NFIC: variants seen among roughly 807,000 people sequenced by gnomAD.
NFIC encodes nuclear factor I C, also known as nuclear factor 1 C-type.
Under a neutral mutation model 54.4 loss-of-function variants are expected in NFIC, and 12 were observed. The observed-to-expected ratio is 0.22, with a 90% CI of 0.14 to 0.36. The LOEUF (loss-of-function observed/expected upper bound fraction) is 0.36, where lower values mean the gene tolerates loss of function less well. NFIC is among the 10% of genes least tolerant of loss of function. NFIC has a pLI of 1.00. For synonymous variants in NFIC, 322 were observed against 319.2 expected, an observed-to-expected ratio of 1.01 and a Z score of -0.09; for missense variants, 575 against 718.2, an observed-to-expected ratio of 0.80 and a Z score of 2.28.
At chr19:3,398,884 G>A (rs555360712) in intron 2 of NFIC, among the ~76,000 whole-genome samples, 12 of 152,344 alleles carry the variant, frequency 7.9e-5, no homozygotes, top group East Asian at 3.9e-4. Flanking sequence ...GCACTGGTGC[G>A]AATTCATAGG....
intron 6 of NFIC, among the ~76,000 whole-genome samples, chr19:3,443,505 CA>C (rs2082324699): frequency 6.6e-6 from 1 of 152,104 alleles, no homozygotes; most frequent in Admixed American, 6.5e-5. Flanking sequence ...GTGTGTAAAC[CA>C]GGGGGACCCC....
At chr19:3,437,304 C>T (rs2082218809) in intron 6 of NFIC, among the ~76,000 whole-genome samples, 1 of 151,658 alleles carries the variant, frequency 6.6e-6, no homozygotes, top group Admixed American at 6.6e-5. Flanking sequence ...GGAGGCGGAG[C>T]TTGCAGTGAG....
chr19:3,463,246 C>T lies in NFIC; in HGVS notation c.*477C>T. ...CTGTGCCCAGGGCCGACAGGCGCGACACCCAGCAAGGCCACCTCTCCCCGG... is the reference window on the plus strand; with the variant it reads ...CTGTGCCCAGGGCCGACAGGCGCGATACCCAGCAAGGCCACCTCTCCCCGG... On this transcript the variant is annotated 3_prime_UTR_variant, in exon 11 of 11. Coordinates refer to ENST00000443272, the MANE Select transcript of NFIC (RefSeq NM_001245002.2). 1 of 992,338 alleles carries T rather than the reference C, an allele frequency of 1.0e-6. No homozygotes were observed. Among genetic ancestry groups the T allele is most frequent in the Non-Finnish European group, 1.2e-6 (1 of 834,992 alleles). The allele number at this position is 992,338 out of a possible 1,614,324, so 61.5% of individuals were successfully genotyped here. A position where few individuals can be genotyped will look rare whatever the true frequency, so the allele number is the denominator to read the frequency against.
rs1368124986 is a variant in NFIC at position 3,464,693 on chromosome 19, C to T, written c.*1924C>T. The stretch of plus-strand genomic sequence containing the variant: ...CCAGACTCTCCTCCCAAACTAGCCT[C>T]AGGAGCTTGGCGAACCCGCTCGCTC... On this transcript the variant is annotated 3_prime_UTR_variant, in exon 11 of 11. Transcript: ENST00000443272. 1 of 985,270 alleles carries T rather than the reference C, an allele frequency of 1.0e-6. No individual in the cohort carries two copies. The highest frequency in any genetic ancestry group is 1.2e-6 in the Non-Finnish European group (1 of 830,128). The allele number at this position is 985,270 out of a possible 1,614,324, so 61.0% of individuals were successfully genotyped here. A position where few individuals can be genotyped will look rare whatever the true frequency, so the allele number is the denominator to read the frequency against.
intron 2 of NFIC, among the ~76,000 whole-genome samples, chr19:3,417,098 GA>G (rs2081871532): frequency 6.7e-6 from 1 of 150,010 alleles, no homozygotes; most frequent in Non-Finnish European, 1.5e-5. Flanking sequence ...TGTTAGCCAG[GA>G]TGGTCTCGAT....
Position 3,463,512 on chromosome 19 carries a change from C to T in NFIC, c.*743C>T, listed in dbSNP as rs989372269. 2.1e-5 allele frequency: 21 copies of T among 984,498 alleles called. No homozygotes were observed. Among genetic ancestry groups the T allele is most frequent in the Non-Finnish European group, 2.5e-5 (21 of 829,650 alleles). 61.0% of individuals were successfully genotyped at this position (984,498 alleles called of 1,614,324 possible). A position where few individuals can be genotyped will look rare whatever the true frequency, so the allele number is the denominator to read the frequency against. On this transcript the variant is annotated 3_prime_UTR_variant, in exon 11 of 11. Transcript: ENST00000443272. ...GGGGCCCTGCCTGCCGCGGGGCCTC[C>T]CCACAAGCCCCTCCCAAAGCGCCGG...
chr19:3,362,392 G>A (rs1030033738), upstream of NFIC, among the ~76,000 whole-genome samples: 5 of 151,434 alleles, frequency 3.3e-5, no homozygotes, highest in Non-Finnish European at 7.4e-5. Context: ...TTGTGGCTGT[G>A]TGTGTGCCAT....
chr19:3,381,682 C>A (rs757255663), intron 1 of NFIC, 30 bp from the exon 2 acceptor site: 10 of 1,608,946 alleles, frequency 6.2e-6, no homozygotes, highest in Middle Eastern at 3.3e-4. Context: ...GTCCCTGGCG[C>A]TCCTGACCTC....
Position 3,375,871 on chromosome 19 carries a change from G to A in NFIC, c.31-5841G>A, listed in dbSNP as rs1156281563. Among the ~76,000 whole-genome samples, 3 of 152,142 alleles carry A rather than the reference G, an allele frequency of 2.0e-5. No homozygotes were observed. Among genetic ancestry groups the A allele is most frequent in the South Asian group, 4.1e-4 (2 of 4,834 alleles). On this transcript the variant is annotated intron_variant, in intron 1 of 10. Transcript: ENST00000443272. This position sits in a 1 kb window ranked among gnomAD's most constrained non-coding sequence, Gnocchi z 4.6. ...AATGGGACCGAGTCCAGCCACATCC[G>A]CTGGCACACACAGTGGGAGTCCAGG...
rs1387633539 is a variant in NFIC, at chr19:3,394,523, A to ACCC, written c.562+12284_562+12286dup. On this transcript the variant is annotated intron_variant, in intron 2 of 10. Transcript: ENST00000443272. Reference sequence around the variant, plus strand: ...GTATTTTATGATCTTTTCCCCACCCACCCCCCACCCGCTTACACTAAGTCT... The same window carrying ACCC: ...GTATTTTATGATCTTTTCCCCACCCACCCCCCCCCACCCGCTTACACTAAGTCT... Among the ~76,000 whole-genome samples the ACCC allele has an allele frequency of 7.3e-3, 372 of 50,988 alleles. 7 individuals carry two copies. The highest frequency in any genetic ancestry group is 8.4e-3 in the Non-Finnish European group (267 of 31,840). The allele number at this position is 50,988 out of a possible 152,430, so 33.5% of individuals were successfully genotyped here. A position where few individuals can be genotyped will look rare whatever the true frequency, so the allele number is the denominator to read the frequency against.
chr19:3,465,151 T>TAAAAAAA lies in NFIC; in HGVS notation c.*2399_*2405dup, dbSNP rs59668846. ...CCCCCTCCACCCCCCACTTCCTCTT[T>TAAAAAAA]AAAAAAAAAAAAAAAAAAAAAAAGA... On this transcript the variant is annotated 3_prime_UTR_variant, in exon 11 of 11. Transcript: ENST00000443272. The TAAAAAAA allele has an allele frequency of 4.4e-5, 3 of 68,038 alleles. No homozygotes were observed. The highest frequency in any genetic ancestry group is 2.1e-4 in the Admixed American group (1 of 4,802). 4.2% of individuals were successfully genotyped at this position (68,038 alleles called of 1,614,324 possible). A position where few individuals can be genotyped will look rare whatever the true frequency, so the allele number is the denominator to read the frequency against.
rs143167174 is a variant in NFIC at position 3,370,710 on chromosome 19, C to G, written c.30+4044C>G. On this transcript the variant is annotated intron_variant, in intron 1 of 10. Transcript: ENST00000443272. The surrounding 1 kb of genome is among the most constrained non-coding windows in gnomAD (Gnocchi z 5.2). ...TCTCTCTGTCTGTCTCTTTCTTTCT[C>G]CCTCCCTTCCTCTCTCTCTGTTCCT... Among the ~76,000 whole-genome samples, 1 of 136,146 alleles carries G rather than the reference C, an allele frequency of 7.3e-6. No homozygotes were observed. The highest frequency in any genetic ancestry group is 1.6e-5 in the Non-Finnish European group (1 of 63,024). The allele number at this position is 136,146 out of a possible 152,430, so 89.3% of individuals were successfully genotyped here.
rs559465342 is a variant in NFIC at position 3,369,327 on chromosome 19, T to C, written c.30+2661T>C. Among the ~76,000 whole-genome samples the C allele has an allele frequency of 1.7e-4, 25 of 151,484 alleles. No homozygotes were observed. The South Asian group carries it at 3.3e-3, about 20-fold the overall frequency. On this transcript the variant is annotated intron_variant, in intron 1 of 10. Transcript: ENST00000443272. The surrounding 1 kb of genome is among the most constrained non-coding windows in gnomAD (Gnocchi z 4.3). ...CTCCTCTGTCTCTGCGTGTCTCCCC[T>C]TGCCCCCTCTCTCCCTGTCTCTCTC...
chr19:3,433,620 G>C (rs769136852), intron 4 of NFIC, 28 bp downstream of exon 4: 3 of 1,610,220 alleles, frequency 1.9e-6, no homozygotes, highest in Non-Finnish European at 1.7e-6. Flanking sequence ...CCCTGAGCTG[G>C]GTCTTGGAGA....
At chr19:3,380,158 G>A (rs981226880) in intron 1 of NFIC, among the ~76,000 whole-genome samples, 6 of 150,146 alleles carry the variant, frequency 4.0e-5, no homozygotes, top group East Asian at 2.0e-4. Context: ...CCGACACCAC[G>A]CCCGGCTAAT....
In NFIC at chr19:3,421,322, G is replaced by C. The variant is rs189458880; in HGVS notation, c.563-3784G>C. On this transcript the variant is annotated intron_variant, in intron 2 of 10. Coordinates refer to ENST00000443272, the MANE Select transcript of NFIC (RefSeq NM_001245002.2). ...GTCTGTGTGGGCTCTGGTTCCGGAA[G>C]AGGGTCCTGTGCCCACGGCCTGGCG... Among the ~76,000 whole-genome samples the C allele has an allele frequency of 9.8e-5, 15 of 152,376 alleles. No individual in the cohort carries two copies. In the East Asian group the frequency reaches 2.1e-3, roughly 22 times the overall value.
At chr19:3,368,077 T>G (rs1281005798) in intron 1 of NFIC, among the ~76,000 whole-genome samples, 6 of 144,904 alleles carry the variant, frequency 4.1e-5, no homozygotes, top group Non-Finnish European at 9.2e-5. Flanking sequence ...GGGGGGGGGG[T>G]TCCCGAAGAA....
rs960546206 is a variant in NFIC, at chr19:3,452,966, C to T, written c.1269+300C>T. Among the ~76,000 whole-genome samples the T allele has an allele frequency of 2.0e-5, 3 of 152,184 alleles. No individual in the cohort carries two copies. The highest frequency in any genetic ancestry group is 2.9e-5 in the Non-Finnish European group (2 of 68,038). On this transcript the variant is annotated intron_variant, in intron 8 of 10. Transcript: ENST00000443272. The surrounding 1 kb of genome is among the most constrained non-coding windows in gnomAD (Gnocchi z 5.3). ...CAAGGCAGGGAGGGACTGGGCATAG[C>T]GGCTCATGCCTGTGATCCCAGCGCT... is the stretch of plus-strand genomic sequence containing the variant.
intron 2 of NFIC, among the ~76,000 whole-genome samples, chr19:3,384,398 C>CT (rs554810277): frequency 1.4e-5 from 2 of 146,368 alleles, no homozygotes; most frequent in Non-Finnish European, 1.5e-5. Context: ...TTTTTTCTTT[C>CT]TTTTTTTGGA....
Sources: gnomAD v4.1 joint callset for allele counts (sites outside exome capture counted in the v4.1 genomes callset) on GRCh38, gnomAD v4.1.1 for gene constraint, Gnocchi (gnomAD v3.1) non-coding constraint, MANE v1.5 for transcripts, NCBI Gene and HGNC (gene_info 2026-07-23, HGNC 2026-07-21) for gene names.